PCDHGA8: variants seen among roughly 807,000 people sequenced by gnomAD.
PCDHGA8 encodes the protein protocadherin gamma-A8.
In PCDHGA8, 45 loss-of-function variants were observed where a neutral mutation model predicts 59.2. That is an observed-to-expected ratio of 0.76 (90% CI 0.60 to 0.98). The LOEUF is 0.98. Ranked by LOEUF, PCDHGA8 falls within the 50% of genes least tolerant of loss-of-function variation. The probability of loss-of-function intolerance (pLI) is 0.00; values close to 1 mark genes in which losing one functional copy is unlikely to be tolerated. For missense variants in PCDHGA8, 1,257 were observed against 1,196.2 expected, an observed-to-expected ratio of 1.05 and a Z score of -0.75; for synonymous variants, 531 against 519.0, an observed-to-expected ratio of 1.02 and a Z score of -0.32.
chr5:141,428,861 T>G (rs1435613271), intron 1 of PCDHGA8: 1 of 73,058 alleles, frequency 1.4e-5, no homozygotes, highest in Non-Finnish European at 2.5e-5. Flanking sequence ...TACGGGAGAC[T>G]TTTTTTTTTT....
At chr5:141,420,061 G>A (rs376044810) in intron 1 of PCDHGA8, 3 of 1,613,958 alleles carry the variant, frequency 1.9e-6, no homozygotes, top group Non-Finnish European at 2.5e-6. Flanking sequence ...TCTGCTCCAA[G>A]TCCGGACCTG....
chr5:141,432,413 G>C lies in PCDHGA8; in HGVS notation c.2424+37176G>C, dbSNP rs369816901. 9 of 1,614,114 alleles carry C rather than the reference G, an allele frequency of 5.6e-6. No homozygotes were observed. The highest frequency in any genetic ancestry group is 1.3e-5 in the African/African-American group (1 of 74,946). ...CAGCAACGTGTCGTTGAGCCTGTTCGTGCTGGACCAGAACGACAATGCGCC... is the reference window on the plus strand; with the variant it reads ...CAGCAACGTGTCGTTGAGCCTGTTCCTGCTGGACCAGAACGACAATGCGCC... On this transcript the variant is annotated intron_variant, in intron 1 of 3. Coordinates refer to ENST00000398604, the MANE Select transcript of PCDHGA8 (RefSeq NM_032088.2). This position sits in a 1 kb window ranked among gnomAD's most constrained non-coding sequence, Gnocchi z 6.0.
intron 1 of PCDHGA8, among the ~76,000 whole-genome samples, chr5:141,437,807 G>T (rs910427301): frequency 6.7e-6 from 1 of 149,476 alleles, no homozygotes; most frequent in Non-Finnish European, 1.5e-5. Flanking sequence ...GCACTATCTT[G>T]GCTCACTGCA....
rs1407225048 is a variant in PCDHGA8 at position 141,489,600 on chromosome 5, G to T, written c.2425-5207G>T. On this transcript the variant is annotated intron_variant, in intron 1 of 3. Coordinates refer to ENST00000398604, the MANE Select transcript of PCDHGA8 (RefSeq NM_032088.2). The surrounding 1 kb of genome is among the most constrained non-coding windows in gnomAD (Gnocchi z 4.5). ...ACCCCCTGGAGCTAATCCGTGTAGA[G>T]GTAGAGATCCTGGATCTCAATGACA... The T allele has an allele frequency of 7.4e-6, 12 of 1,613,916 alleles. 1 individual carries two copies. In the South Asian group the frequency reaches 1.2e-4, roughly 16 times the overall value.
chr5:141,400,580 C>T (rs756569671), intron 1 of PCDHGA8: 2 of 1,610,388 alleles, frequency 1.2e-6, no homozygotes, highest in South Asian at 2.2e-5. Context: ...TCTGTATTTA[C>T]ATGAAACTAT....
intron 1 of PCDHGA8, among the ~76,000 whole-genome samples, chr5:141,437,777 C>T (rs998490046): frequency 2.0e-5 from 3 of 148,970 alleles, no homozygotes; most frequent in Admixed American, 6.7e-5. Context: ...CTCAATCTGT[C>T]GCCAAGCTGG....
At chr5:141,484,359 T>A (rs1218120598) in intron 1 of PCDHGA8, among the ~76,000 whole-genome samples, 1 of 152,222 alleles carries the variant, frequency 6.6e-6, no homozygotes, top group Non-Finnish European at 1.5e-5. Context: ...GTGTATCTAG[T>A]GTATCACTAG....
chr5:141,422,131 G>T (rs747294750), intron 1 of PCDHGA8: 3 of 1,598,182 alleles, frequency 1.9e-6, no homozygotes, highest in Non-Finnish European at 2.6e-6. Context: ...AACTGGAGAA[G>T]TTCAAGTACG....
rs2096779089 is a variant in PCDHGA8, at chr5:141,423,760, G to GA, written c.2424+28523_2424+28524insA. On this transcript the variant is annotated intron_variant, in intron 1 of 3. Transcript: ENST00000398604. ...GTTATGAAAACTGTTTGGGGGGGGG[G>GA]TGGGGCGGCATATATTTAGTTCATA... 1.1e-5 allele frequency: 3 copies of GA among 279,664 alleles called. 1 individual carries two copies. Among genetic ancestry groups the GA allele is most frequent in the African/African-American group, 6.7e-5 (2 of 29,702 alleles). The allele number at this position is 279,664 out of a possible 1,614,324, so 17.3% of individuals were successfully genotyped here.
intron 1 of PCDHGA8, chr5:141,400,414 C>G: frequency 6.2e-7 from 1 of 1,614,058 alleles, no homozygotes; most frequent in African/African-American, 1.3e-5. Flanking sequence ...GTTTAATTTC[C>G]TAAAATGTAG....
In PCDHGA8 at chr5:141,394,415, C is replaced by G; in HGVS notation, c.1602C>G (p.Ala534=). The change falls in exon 1 of 4, where the codon GCC becomes GCG. Residue 534 remains alanine, a synonymous_variant. Coordinates refer to ENST00000398604, the MANE Select transcript of PCDHGA8 (RefSeq NM_032088.2). The part of the protein sequence containing the change: ...QIRDLQLLVT[A]SDSGDPPLSS... ...GAGACCTGCAGCTACTGGTAACAGCCAGCGACAGCGGGGACCCGCCCCTCA... is the reference window on the plus strand; with the variant it reads ...GAGACCTGCAGCTACTGGTAACAGCGAGCGACAGCGGGGACCCGCCCCTCA... 1 of 1,614,242 alleles carries G rather than the reference C, an allele frequency of 6.2e-7. No homozygotes were observed. Among genetic ancestry groups the G allele is most frequent in the Non-Finnish European group, 8.5e-7 (1 of 1,180,044 alleles).
At chr5:141,451,597 C>CAAGG (rs1434393705) in intron 1 of PCDHGA8, among the ~76,000 whole-genome samples, 3 of 152,076 alleles carry the variant, frequency 2.0e-5, no homozygotes, top group Non-Finnish European at 2.9e-5. Flanking sequence ...AAGTGACATA[C>CAAGG]AAGGCTAGGC....
chr5:141,505,679 G>A (rs1350871637), intron 3 of PCDHGA8, among the ~76,000 whole-genome samples, 198 bp downstream of exon 3: 24 of 152,172 alleles, frequency 1.6e-4, no homozygotes, highest in Non-Finnish European at 3.5e-4. Flanking sequence ...TGGGGGTCCT[G>A]GGATGCCTGG....
rs769232324 is a variant in PCDHGA8, at chr5:141,423,034, G to T, written c.2424+27797G>T. 4 of 1,614,082 alleles carry T rather than the reference G, an allele frequency of 2.5e-6. No individual in the cohort carries two copies. In the African/African-American group the frequency reaches 4.0e-5, roughly 16 times the overall value. On this transcript the variant is annotated intron_variant, in intron 1 of 3. Coordinates refer to ENST00000398604, the MANE Select transcript of PCDHGA8 (RefSeq NM_032088.2). ...GGTGGACAAAGATTCAGGCCAGAAC[G>T]CCTGGCTGTCCTATCGCCTGCTTAA...
rs914956962 is a variant in PCDHGA8, at chr5:141,420,736, A to G, written c.2424+25499A>G. Among the ~76,000 whole-genome samples, 4 of 152,370 alleles carry G rather than the reference A, an allele frequency of 2.6e-5. No individual in the cohort carries two copies. In the East Asian group the frequency reaches 7.7e-4, roughly 29 times the overall value. On this transcript the variant is annotated intron_variant, in intron 1 of 3. Coordinates refer to ENST00000398604, the MANE Select transcript of PCDHGA8 (RefSeq NM_032088.2). ...TCGTTCCTTTCAGTCGGTTAAAATC[A>G]ATTGGAACCAACTACAACCTACAAG...
At chr5:141,422,415 A>C (rs1330043187) in intron 1 of PCDHGA8, 1 of 1,604,786 alleles carries the variant, frequency 6.2e-7, no homozygotes, top group Admixed American at 1.7e-5. Flanking sequence ...TTAAATTAGA[A>C]AAGACTTATG....
chr5:141,400,645 G>T, intron 1 of PCDHGA8: 1 of 1,239,756 alleles, frequency 8.1e-7, no homozygotes, highest in Non-Finnish European at 1.2e-6. Context: ...TGCTCAGAAA[G>T]CTGTCCTACC....
At chr5:141,413,432 G>A (rs1193674962) in intron 1 of PCDHGA8, 1 of 1,613,992 alleles carries the variant, frequency 6.2e-7, no homozygotes, top group African/African-American at 1.3e-5. Flanking sequence ...CCGCGCAGCG[G>A]CAGCTTGATC....
At chr5:141,498,264 C>A (rs1272117057) in intron 2 of PCDHGA8, among the ~76,000 whole-genome samples, 2 of 152,016 alleles carry the variant, frequency 1.3e-5, no homozygotes, top group Admixed American at 1.3e-4. Context: ...GTGTTGAGTT[C>A]TTCAGTAAAC....
Sources: gnomAD v4.1 joint callset for allele counts (sites outside exome capture counted in the v4.1 genomes callset) on GRCh38, gnomAD v4.1.1 for gene constraint, Gnocchi (gnomAD v3.1) non-coding constraint, MANE v1.5 for transcripts, NCBI Gene and HGNC (gene_info 2026-07-23, HGNC 2026-07-21) for gene names.